Variants in PDS5A observed in about 807,000 individuals in gnomAD.
PDS5A encodes the protein sister chromatid cohesion protein PDS5 homolog A.
Under a neutral mutation model 167.1 loss-of-function variants are expected in PDS5A, and 42 were observed. That is an observed-to-expected ratio of 0.25 (90% CI 0.20 to 0.33). The LOEUF (loss-of-function observed/expected upper bound fraction) is 0.33. Ranked by LOEUF, PDS5A falls within the 10% of genes least tolerant of loss-of-function variation. PDS5A has a pLI of 1.00. For missense variants in PDS5A, 1,033 were observed against 1,605.9 expected, an observed-to-expected ratio of 0.64 and a Z score of 6.10; for synonymous variants, 553 against 554.6, an observed-to-expected ratio of 1.00 and a Z score of 0.04.
intron 2 of PDS5A, among the ~76,000 whole-genome samples, chr4:39,935,734 G>A (rs1726533153): frequency 6.6e-6 from 1 of 152,152 alleles, no homozygotes; most frequent in African/African-American, 2.4e-5. Flanking sequence ...TAAAAATGAG[G>A]AAAAGATCTG....
chr4:39,962,224 A>AT (rs1340305564), intron 2 of PDS5A, among the ~76,000 whole-genome samples: 5 of 151,924 alleles, frequency 3.3e-5, no homozygotes, highest in Admixed American at 6.6e-5. Context: ...CGCTCGACTA[A>AT]TTTTTGTATT....
At chr4:39,871,998 G>A (rs1720079712) in intron 21 of PDS5A, among the ~76,000 whole-genome samples, 1 of 152,042 alleles carries the variant, frequency 6.6e-6, no homozygotes, top group Non-Finnish European at 1.5e-5. Flanking sequence ...GAGCCACCAA[G>A]CCCTGCCAGT....
At position 39,879,772 on chromosome 4, in the gene PDS5A, C is replaced by T; in HGVS notation, c.1948G>A (p.Val650Ile). The T allele has an allele frequency of 6.2e-7, 1 of 1,611,880 alleles. No homozygotes were observed. The highest frequency in any genetic ancestry group is 1.1e-5 in the South Asian group (1 of 91,026). The change falls in exon 18 of 33, where the codon GTA becomes ATA. Residue 650 changes from valine (V) to isoleucine (I), a missense_variant. Transcript: ENST00000303538. ...EGTADDEEEG[V>I]SPDTAIRSGL... Reference sequence around the variant, plus strand: ...GAACGGATAGCTGTATCTGGACTTACACCCTCCTCTTCATCATCTGCTGTC... The same window carrying T: ...GAACGGATAGCTGTATCTGGACTTATACCCTCCTCTTCATCATCTGCTGTC...
intron 14 of PDS5A, among the ~76,000 whole-genome samples, chr4:39,899,445 A>C (rs558256079): frequency 6.6e-6 from 1 of 152,330 alleles, no homozygotes; most frequent in African/African-American, 2.4e-5. Context: ...AGTCATGTCC[A>C]TTCATTTATT....
intron 2 of PDS5A, among the ~76,000 whole-genome samples, chr4:39,945,541 T>C (rs1246627907): frequency 6.6e-6 from 1 of 151,426 alleles, no homozygotes; most frequent in Non-Finnish European, 1.5e-5. Context: ...ATATGTTACA[T>C]ATAGTATAGT....
intron 17 of PDS5A, among the ~76,000 whole-genome samples, chr4:39,883,718 C>T (rs1388267435): frequency 1.3e-5 from 2 of 152,162 alleles, no homozygotes; most frequent in African/African-American, 2.4e-5. Context: ...TCACTGCAAT[C>T]TCTGCTTCCT....
At position 39,977,506 on chromosome 4, in the gene PDS5A, G is replaced by C. The variant is rs935225330; in HGVS notation, c.-90C>G. 1.3e-5 allele frequency: 2 copies of C among 155,212 alleles called. No homozygotes were observed. The highest frequency in any genetic ancestry group is 4.8e-5 in the African/African-American group (2 of 41,340). The allele number at this position is 155,212 out of a possible 1,614,324, so 9.6% of individuals were successfully genotyped here. A position where few individuals can be genotyped will look rare whatever the true frequency, so the allele number is the denominator to read the frequency against. On this transcript the variant is annotated 5_prime_UTR_variant, in exon 1 of 33. Coordinates refer to ENST00000303538, the MANE Select transcript of PDS5A (RefSeq NM_001100399.2). The surrounding 1 kb of genome is among the most constrained non-coding windows in gnomAD (Gnocchi z 4.2). ...GCATCGAGCGCCCGGGCCTCTGTCAGGTGGTTGCGCCGCCGCCCCTAGTCG... is the reference window on the plus strand; with the variant it reads ...GCATCGAGCGCCCGGGCCTCTGTCACGTGGTTGCGCCGCCGCCCCTAGTCG...
At chr4:39,851,108 A>G (rs569686361) in intron 26 of PDS5A, among the ~76,000 whole-genome samples, 8 of 152,350 alleles carry the variant, frequency 5.3e-5, no homozygotes, top group Admixed American at 3.3e-4. Context: ...GATACTGGAT[A>G]GCTGCTAGAA....
chr4:39,937,172 A>G (rs1726699168), intron 2 of PDS5A, among the ~76,000 whole-genome samples: 1 of 152,066 alleles, frequency 6.6e-6, no homozygotes, highest in Non-Finnish European at 1.5e-5. Context: ...CTCCTGGGAG[A>G]AAGTTTCAAT....
chr4:39,957,405 CTT>C (rs1380418471), intron 2 of PDS5A, among the ~76,000 whole-genome samples: 1 of 152,194 alleles, frequency 6.6e-6, no homozygotes, highest in South Asian at 2.1e-4. Context: ...GCTAGCCACT[CTT>C]TAAATTTTAC....
chr4:39,868,605 A>T lies in PDS5A; in HGVS notation c.2505+789T>A, dbSNP rs1433575183. 8 of 451,630 alleles carry T rather than the reference A, an allele frequency of 1.8e-5. No homozygotes were observed. In the East Asian group the frequency reaches 5.6e-4, roughly 31 times the overall value. 28.0% of individuals were successfully genotyped at this position (451,630 alleles called of 1,614,324 possible). On this transcript the variant is annotated intron_variant, in intron 22 of 32. Transcript: ENST00000303538. ...CAGCCTCCCAAAGTGCTGGGATTAT[A>T]GGCGTGAGCCACCATGCCTAGCCCA...
intron 2 of PDS5A, among the ~76,000 whole-genome samples, chr4:39,952,720 C>G (rs1409653400): frequency 1.4e-5 from 2 of 141,672 alleles, no homozygotes; most frequent in Non-Finnish European, 3.0e-5. Flanking sequence ...GTACACAGAT[C>G]TGGAATTTTT....
intron 20 of PDS5A, 83 bp downstream of exon 20, chr4:39,874,206 A>T (rs1720282688): frequency 8.2e-7 from 1 of 1,213,144 alleles, no homozygotes; most frequent in Non-Finnish European, 1.2e-6. Flanking sequence ...AACAGCTTTA[A>T]AAAATCTAGC....
intron 2 of PDS5A, chr4:39,936,713 G>A (rs527514187): frequency 1.3e-5 from 2 of 152,216 alleles, no homozygotes; most frequent in African/African-American, 4.8e-5. Context: ...CACATTACAG[G>A]TGTGAACCAC....
intron 26 of PDS5A, among the ~76,000 whole-genome samples, chr4:39,853,376 T>G (rs769876347): frequency 9.2e-5 from 14 of 152,322 alleles, no homozygotes; most frequent in Admixed American, 3.3e-4. Flanking sequence ...TAATTATAAA[T>G]TTAAAATTTT....
At chr4:39,838,458 A>C (rs1203276670) in intron 31 of PDS5A, among the ~76,000 whole-genome samples, 1 of 152,238 alleles carries the variant, frequency 6.6e-6, no homozygotes, top group African/African-American at 2.4e-5. Context: ...ACAGTGGCTC[A>C]CGCCTGTAAT....
chr4:39,905,898 AATT>A (rs1366094969), intron 11 of PDS5A, among the ~76,000 whole-genome samples: 2 of 152,086 alleles, frequency 1.3e-5, no homozygotes, highest in Non-Finnish European at 2.9e-5. Context: ...AAGTTAGAAA[AATT>A]AATGATTCAA....
At chr4:39,828,475 G>A (rs1377747211) in intron 32 of PDS5A, among the ~76,000 whole-genome samples, 3 of 152,180 alleles carry the variant, frequency 2.0e-5, no homozygotes, top group Non-Finnish European at 2.9e-5. Context: ...GGAATTCTGC[G>A]AGGGTTAGCA....
Position 39,848,949 on chromosome 4 carries a change from C to T in PDS5A, c.3241G>A (p.Val1081Met). The T allele has an allele frequency of 1.2e-6, 2 of 1,600,408 alleles. No individual in the cohort carries two copies. Among genetic ancestry groups the T allele is most frequent in the African/African-American group, 1.3e-5 (1 of 74,860 alleles). The change falls in exon 28 of 33, where the codon GTG becomes ATG. Residue 1081 changes from valine (V) to methionine (M), a missense_variant. Coordinates refer to ENST00000303538, the MANE Select transcript of PDS5A (RefSeq NM_001100399.2). The part of the protein sequence containing the change: ...TNEKLYTVCD[V>M]ALCVINSKSA... ...TTACTATTTATAACACAGAGAGCCA[C>T]ATCACATACTGTATACAGTTTCTAG... is the stretch of plus-strand genomic sequence containing the variant.
Sources: allele counts gnomAD v4.1 joint callset (sites outside exome capture counted in the v4.1 genomes callset), GRCh38; gene constraint gnomAD v4.1.1; non-coding constraint Gnocchi (gnomAD v3.1); transcripts MANE v1.5; gene names NCBI Gene and HGNC (gene_info 2026-07-23, HGNC 2026-07-21).